The following MMP26 variants were observed in gnomAD, a reference collection of about 807,000 sequenced individuals.
MMP26 encodes the protein matrix metallopeptidase 26.
In MMP26, 33 loss-of-function variants were observed where a neutral mutation model predicts 31.0. The ratio of observed to expected loss-of-function variants is 1.06; its 90% CI spans 0.81 to 1.42. The LOEUF is 1.42. MMP26 is among the 40% of genes most tolerant of loss of function. The probability of loss-of-function intolerance (pLI) is 0.00; values close to 1 mark genes in which losing one functional copy is unlikely to be tolerated. For synonymous variants in MMP26, 122 were observed against 114.9 expected (o/e 1.06, Z -0.40); for missense variants, 347 against 316.1 (o/e 1.10, Z -0.74).
In MMP26 at chr11:4,990,748, T is replaced by C. The variant is rs1383794890; in HGVS notation, c.469+2T>C. 6.2e-7 allele frequency: 1 copy of C among 1,613,826 alleles called. No individual in the cohort carries two copies. Among genetic ancestry groups the C allele is most frequent in the Admixed American group, 1.7e-5 (1 of 59,996 alleles). ...TCAAGGTTTCTTTCTGGCAGTGGGG[T>C]AAGAAATTGACATGGGAAGAAGGAT... On this transcript the variant is annotated splice_donor_variant, in intron 5 of 7. Transcript: ENST00000380390. LOFTEE classifies it high-confidence loss of function.
At chr11:4,778,989 G>A (rs1392903240) in intron 2 of MMP26, among the ~76,000 whole-genome samples, 2 of 151,906 alleles carry the variant, frequency 1.3e-5, no homozygotes, top group African/African-American at 4.8e-5. Flanking sequence ...GTCAATTATT[G>A]TATGTAGTGC....
chr11:4,778,913 A>G (rs1422046981), intron 2 of MMP26, among the ~76,000 whole-genome samples: 1 of 151,972 alleles, frequency 6.6e-6, no homozygotes, highest in Non-Finnish European at 1.5e-5. Flanking sequence ...ATAGTTTAAT[A>G]CTGTTTTTTG....
At chr11:4,807,703 C>G (rs1018157302) in intron 2 of MMP26, among the ~76,000 whole-genome samples, 1 of 152,084 alleles carries the variant, frequency 6.6e-6, no homozygotes, top group African/African-American at 2.4e-5. Context: ...ACCAACGTGG[C>G]ACATGTATAC....
At chr11:4,980,476 A>T (rs1846796831) in intron 2 of MMP26, among the ~76,000 whole-genome samples, 1 of 152,102 alleles carries the variant, frequency 6.6e-6, no homozygotes, top group East Asian at 1.9e-4. Context: ...CAAAGAACAA[A>T]ATATAGGGAT....
intron 2 of MMP26, among the ~76,000 whole-genome samples, chr11:4,837,966 A>G (rs987518477): frequency 1.3e-5 from 2 of 152,086 alleles, no homozygotes; most frequent in African/African-American, 4.8e-5. Context: ...TTAAAATATT[A>G]GAGCAGTCAA....
intron 2 of MMP26, among the ~76,000 whole-genome samples, chr11:4,776,369 A>G (rs549660521): frequency 1.3e-5 from 2 of 152,078 alleles, no homozygotes; most frequent in Non-Finnish European, 2.9e-5. Context: ...AGAAACCTTC[A>G]TACCGTTTTC....
chr11:4,956,170 G>A lies in MMP26; in HGVS notation c.-144-31898G>A, dbSNP rs1490941649. 7.9e-5 allele frequency among the ~76,000 whole-genome samples: 12 copies of A among 152,238 alleles called. No individual in the cohort carries two copies. In the South Asian group the frequency reaches 1.2e-3, roughly 16 times the overall value. Reference sequence around the variant, plus strand: ...GAAAGCCAAATAAATGAGAATATCTGGGCACTTACCAGAGAGTGGATATTT... The same window carrying A: ...GAAAGCCAAATAAATGAGAATATCTAGGCACTTACCAGAGAGTGGATATTT... On this transcript the variant is annotated intron_variant, in intron 2 of 7. Coordinates refer to ENST00000380390, the MANE Select transcript of MMP26 (RefSeq NM_021801.5).
intron 1 of MMP26, among the ~76,000 whole-genome samples, chr11:4,751,568 A>G (rs1457247978): frequency 6.6e-6 from 1 of 152,186 alleles, no homozygotes; most frequent in Non-Finnish European, 1.5e-5. Context: ...TTTAGACTGT[A>G]GAGTATGGGA....
intron 1 of MMP26, among the ~76,000 whole-genome samples, chr11:4,762,204 T>C (rs1848576767): frequency 6.6e-6 from 1 of 152,168 alleles, no homozygotes; most frequent in African/African-American, 2.4e-5. Flanking sequence ...TTCACCTCTC[T>C]TGAAGATCCA....
chr11:4,740,480 G>A (rs1299215539), intron 1 of MMP26, among the ~76,000 whole-genome samples: 1 of 151,974 alleles, frequency 6.6e-6, no homozygotes, highest in Non-Finnish European at 1.5e-5. Context: ...TCAGGAGTTT[G>A]AGACCAGCCT....
intron 2 of MMP26, among the ~76,000 whole-genome samples, chr11:4,873,966 G>A (rs1348979938): frequency 6.6e-6 from 1 of 152,054 alleles, no homozygotes; most frequent in Non-Finnish European, 1.5e-5. Context: ...GGTAAAGAGA[G>A]ACAGAGATAT....
chr11:4,836,900 C>T (rs1008508219), intron 2 of MMP26, among the ~76,000 whole-genome samples: 99 of 151,890 alleles, frequency 6.5e-4, no homozygotes, highest in Non-Finnish European at 1.3e-4. Flanking sequence ...AACTCCTGAC[C>T]TCAGCCTCCC....
intron 2 of MMP26, among the ~76,000 whole-genome samples, chr11:4,839,266 C>G (rs1849762049): frequency 6.6e-6 from 1 of 151,976 alleles, no homozygotes; most frequent in Admixed American, 6.6e-5. Context: ...GTCTAGGCCA[C>G]AAGGACTGCA....
At chr11:4,828,436 A>C (rs572734935) in intron 2 of MMP26, among the ~76,000 whole-genome samples, 43 of 152,282 alleles carry the variant, frequency 2.8e-4, no homozygotes, top group African/African-American at 1.0e-3. Context: ...CATTGTTCAT[A>C]ATAGGTCATC....
At chr11:4,837,319 C>A (rs1381092950) in intron 2 of MMP26, among the ~76,000 whole-genome samples, 2 of 152,136 alleles carry the variant, frequency 1.3e-5, no homozygotes, top group Non-Finnish European at 2.9e-5. Flanking sequence ...GTGAACCTCT[C>A]ACTTCAGAGT....
intron 2 of MMP26, among the ~76,000 whole-genome samples, chr11:4,819,220 G>A (rs1849460391): frequency 6.6e-6 from 1 of 152,122 alleles, no homozygotes; most frequent in Non-Finnish European, 1.5e-5. Flanking sequence ...CTTCAGACAT[G>A]GAACCTAAAC....
intron 2 of MMP26, among the ~76,000 whole-genome samples, chr11:4,905,786 T>C (rs966097600): frequency 2.6e-5 from 4 of 152,174 alleles, no homozygotes; most frequent in Non-Finnish European, 4.4e-5. Context: ...CCTGTTTACC[T>C]TGAAGGCCAA....
intron 2 of MMP26, chr11:4,822,299 TTTACAGTGTAAAGA>T: frequency 6.5e-7 from 1 of 1,534,368 alleles, no homozygotes; most frequent in Non-Finnish European, 8.8e-7. Context: ...AACCCTATTA[TTTACAGTGTAAAGA>T]TTAAGCAGAT....
chr11:4,794,097 G>A (rs1434910428), intron 2 of MMP26: 1 of 152,090 alleles, frequency 6.6e-6, no homozygotes, highest in Non-Finnish European at 1.5e-5. Flanking sequence ...CCACAGAAAA[G>A]GCCATAAGAG....
Sources: allele counts gnomAD v4.1 joint callset (sites outside exome capture counted in the v4.1 genomes callset), GRCh38; gene constraint gnomAD v4.1.1; transcripts MANE v1.5; gene names NCBI Gene and HGNC (gene_info 2026-07-23, HGNC 2026-07-21).